The following LRRC28 variants were observed in gnomAD, a reference collection of about 807,000 sequenced individuals.
LRRC28 encodes leucine rich repeat containing 28.
In LRRC28, 39 loss-of-function variants were observed where a neutral mutation model predicts 45.7. The observed-to-expected ratio is 0.85, with a 90% CI of 0.66 to 1.12. The LOEUF (loss-of-function observed/expected upper bound fraction) is 1.12, where lower values mean the gene tolerates loss of function less well. Among genes scored for constraint, LRRC28 ranks in the 50% most tolerant of loss-of-function variants. The probability of loss-of-function intolerance (pLI) is 0.00; values close to 1 mark genes in which losing one functional copy is unlikely to be tolerated. For synonymous variants in LRRC28, 206 were observed against 178.8 expected, an observed-to-expected ratio of 1.15 and a Z score of -1.22; for missense variants, 435 against 438.5, an observed-to-expected ratio of 0.99 and a Z score of 0.07.
In LRRC28 at chr15:99,347,958, T is replaced by C. The variant is rs1404333082; in HGVS notation, c.593-4411T>C. 2.0e-5 allele frequency among the ~76,000 whole-genome samples: 3 copies of C among 152,220 alleles called. No individual in the cohort carries two copies. In the South Asian group the frequency reaches 6.2e-4, roughly 31 times the overall value. ...AACATTTGTTATCTCTTATCTTTTT[T>C]ATAATAGCCATCCTTATAGGTATGA... On this transcript the variant is annotated intron_variant, in intron 6 of 9. Coordinates refer to ENST00000301981, the MANE Select transcript of LRRC28 (RefSeq NM_144598.5).
chr15:99,313,801 G>A (rs1955499772), intron 5 of LRRC28, among the ~76,000 whole-genome samples: 1 of 151,946 alleles, frequency 6.6e-6, no homozygotes, highest in Admixed American at 6.6e-5. Context: ...CAAAGCTGTG[G>A]GATTTTGTCC....
chr15:99,354,670 C>T (rs771083044), intron 7 of LRRC28, among the ~76,000 whole-genome samples: 14 of 152,160 alleles, frequency 9.2e-5, no homozygotes, highest in South Asian at 2.1e-4. Context: ...AGTACCTGCC[C>T]GCATGGACCT....
At chr15:99,279,093 C>T (rs564739562) in intron 3 of LRRC28, among the ~76,000 whole-genome samples, 1 of 152,230 alleles carries the variant, frequency 6.6e-6, no homozygotes, top group African/African-American at 2.4e-5. Flanking sequence ...CACTAATGTA[C>T]TTTCCGTCTC....
chr15:99,382,596 A>C (rs1483364280), intron 9 of LRRC28, among the ~76,000 whole-genome samples: 1 of 152,186 alleles, frequency 6.6e-6, no homozygotes, highest in East Asian at 1.9e-4. Flanking sequence ...TAGTTTGAGA[A>C]CATAATTTGT....
At chr15:99,315,237 G>A (rs191249809) in intron 5 of LRRC28, among the ~76,000 whole-genome samples, 1 of 152,106 alleles carries the variant, frequency 6.6e-6, no homozygotes, top group African/African-American at 2.4e-5. Context: ...GGACAGCAGC[G>A]ATCAACAGAC....
chr15:99,386,946 A>C lies in LRRC28; in HGVS notation c.*844A>C, dbSNP rs1335820327. 1 of 151,830 alleles carries C rather than the reference A, an allele frequency of 6.6e-6. No individual in the cohort carries two copies. The highest frequency in any genetic ancestry group is 1.5e-5 in the Non-Finnish European group (1 of 68,026). 9.4% of individuals were successfully genotyped at this position (151,830 alleles called of 1,614,324 possible). A position where few individuals can be genotyped will look rare whatever the true frequency, so the allele number is the denominator to read the frequency against. On this transcript the variant is annotated 3_prime_UTR_variant, in exon 10 of 10. Coordinates refer to ENST00000301981, the MANE Select transcript of LRRC28 (RefSeq NM_144598.5). ...CCATACAATGAGAAAGGGGGAGAAA[A>C]CACACATTGAAATAAGACCTCCGTG... is the stretch of plus-strand genomic sequence containing the variant.
intron 2 of LRRC28, among the ~76,000 whole-genome samples, chr15:99,270,104 A>G (rs2081434994): frequency 1.3e-5 from 2 of 152,242 alleles, no homozygotes; most frequent in African/African-American, 4.8e-5. Flanking sequence ...AAATCTGGAC[A>G]CGTGGTATTT....
In LRRC28 at chr15:99,387,254, G is replaced by C. The variant is rs1324426025; in HGVS notation, c.*1152G>C. Reference sequence around the variant, plus strand: ...TTTTTGTATTTTTAGTAGAGACGGGGTTTCACCGTGTTAGCCGGGATGGTC... The same window carrying C: ...TTTTTGTATTTTTAGTAGAGACGGGCTTTCACCGTGTTAGCCGGGATGGTC... On this transcript the variant is annotated 3_prime_UTR_variant, in exon 10 of 10. Transcript: ENST00000301981. The C allele has an allele frequency of 5.3e-5, 8 of 150,902 alleles. No individual in the cohort carries two copies. The highest frequency in any genetic ancestry group is 1.2e-4 in the Non-Finnish European group (8 of 67,756). The allele number at this position is 150,902 out of a possible 1,614,324, so 9.3% of individuals were successfully genotyped here.
At chr15:99,378,695 T>C (rs1308623593) in intron 9 of LRRC28, among the ~76,000 whole-genome samples, 3 of 152,218 alleles carry the variant, frequency 2.0e-5, no homozygotes, top group South Asian at 2.1e-4. Context: ...ATAGCTCTTA[T>C]TATTTTGAGA....
intron 2 of LRRC28, chr15:99,258,449 T>G (rs574875269): frequency 2.3e-6 from 2 of 855,382 alleles, no homozygotes; most frequent in East Asian, 4.8e-5. Context: ...TTCATAAACT[T>G]TCCTATTTAT....
intron 2 of LRRC28, among the ~76,000 whole-genome samples, chr15:99,266,150 A>G (rs1467070369): frequency 6.6e-6 from 1 of 152,218 alleles, no homozygotes; most frequent in East Asian, 1.9e-4. Flanking sequence ...GGAAAGAGAG[A>G]TCTGTCAATC....
At chr15:99,289,702 G>A (rs2082057972) in intron 5 of LRRC28, among the ~76,000 whole-genome samples, 1 of 151,754 alleles carries the variant, frequency 6.6e-6, no homozygotes, top group South Asian at 2.1e-4. Context: ...GGGAGGCCGA[G>A]GCGGGTGGAT....
intron 5 of LRRC28, among the ~76,000 whole-genome samples, chr15:99,289,025 T>C (rs1441471925): frequency 6.6e-6 from 1 of 152,170 alleles, no homozygotes; most frequent in Non-Finnish European, 1.5e-5. Context: ...TAAAATTTAG[T>C]AGAACAATTT....
chr15:99,256,610 T>C (rs1337791560), intron 2 of LRRC28, among the ~76,000 whole-genome samples: 5 of 152,226 alleles, frequency 3.3e-5, no homozygotes, highest in Admixed American at 2.0e-4. Flanking sequence ...CTTTTCAGTG[T>C]TTTGAAAGCA....
intron 6 of LRRC28, among the ~76,000 whole-genome samples, chr15:99,345,345 T>C (rs1956645413): frequency 6.6e-6 from 1 of 152,204 alleles, no homozygotes; most frequent in African/African-American, 2.4e-5. Context: ...ATTTGCATTT[T>C]ATCAACGCAG....
At chr15:99,336,835 G>A (rs576051558) in intron 6 of LRRC28, among the ~76,000 whole-genome samples, 1 of 152,304 alleles carries the variant, frequency 6.6e-6, no homozygotes, top group Admixed American at 6.5e-5. Context: ...TAATTTGGAG[G>A]TGTGCTCCTA....
At chr15:99,278,865 C>G (rs1382852753) in intron 3 of LRRC28, among the ~76,000 whole-genome samples, 1 of 152,206 alleles carries the variant, frequency 6.6e-6, no homozygotes, top group African/African-American at 2.4e-5. Flanking sequence ...GAAGAAGGAT[C>G]TTCCTCTATT....
chr15:99,256,201 G>A, intron 2 of LRRC28, 76 bp downstream of exon 2: 1 of 1,234,012 alleles, frequency 8.1e-7, no homozygotes, highest in Admixed American at 2.7e-5. Flanking sequence ...CATACCCTAA[G>A]GTATTCAGAC....
chr15:99,337,238 G>A (rs911628914), intron 6 of LRRC28, among the ~76,000 whole-genome samples: 13 of 152,196 alleles, frequency 8.5e-5, no homozygotes, highest in African/African-American at 3.1e-4. Context: ...CAGTGTTGTT[G>A]GGAGAATAGA....
Sources: gnomAD v4.1 joint callset for allele counts (sites outside exome capture counted in the v4.1 genomes callset) on GRCh38, gnomAD v4.1.1 for gene constraint, MANE v1.5 for transcripts, NCBI Gene and HGNC (gene_info 2026-07-23, HGNC 2026-07-21) for gene names.